WEE1: variants seen among roughly 807,000 people sequenced by gnomAD.
WEE1 encodes the protein wee1-like protein kinase.
WEE1 carries 16 observed loss-of-function variants against 68.8 expected under a neutral mutation model. The observed-to-expected ratio is 0.23, with a 90% CI of 0.16 to 0.35. The LOEUF (loss-of-function observed/expected upper bound fraction) is 0.35, where lower values mean the gene tolerates loss of function less well. Ranked by LOEUF, WEE1 falls within the 10% of genes least tolerant of loss-of-function variation. The pLI, the probability that WEE1 is intolerant of heterozygous loss-of-function variation, is 1.00. For missense variants in WEE1, 651 were observed against 824.1 expected (o/e 0.79, Z 2.57); for synonymous variants, 349 against 318.7 (o/e 1.09, Z -1.01).
At position 9,577,181 on chromosome 11, in the gene WEE1, T is replaced by C. The variant is rs1360860132; in HGVS notation, c.1059T>C (p.Leu353=). The change falls in exon 5 of 11, where the codon CTT becomes CTC. Residue 353 remains leucine (L), a synonymous_variant. Transcript: ENST00000450114. The stretch of plus-strand genomic sequence containing the variant: ...GAGAAGTATATGCTCATGCAGTGCT[T>C]GGACAGCATTCTCATGTAGTTCGAT... The part of the protein sequence containing the change: ...ALREVYAHAV[L]GQHSHVVRYF... The C allele has an allele frequency of 3.1e-6, 5 of 1,613,910 alleles. No individual in the cohort carries two copies. The highest frequency in any genetic ancestry group is 4.2e-6 in the Non-Finnish European group (5 of 1,179,802).
chr11:9,588,367 C>A, intron 10 of WEE1, 82 bp from the exon 11 acceptor site: 1 of 937,716 alleles, frequency 1.1e-6, no homozygotes, highest in Non-Finnish European at 1.5e-6. Flanking sequence ...ATGCAAATAT[C>A]TCCCAATCGA....
chr11:9,587,816 T>A (rs1849718278), intron 10 of WEE1, among the ~76,000 whole-genome samples: 1 of 152,146 alleles, frequency 6.6e-6, no homozygotes, highest in African/African-American at 2.4e-5. Flanking sequence ...CATTTAATAT[T>A]TAAATTATAA....
rs1322505427 is a variant in WEE1 at position 9,587,261 on chromosome 11, C to T, written c.1787+405C>T. Among the ~76,000 whole-genome samples, 4 of 152,138 alleles carry T rather than the reference C, an allele frequency of 2.6e-5. No individual in the cohort carries two copies. In the East Asian group the frequency reaches 7.7e-4, roughly 29 times the overall value. On this transcript the variant is annotated intron_variant, in intron 10 of 10. Transcript: ENST00000450114. Reference sequence around the variant, plus strand: ...TAGGAGTGAGCCACCTCACCCGGCTCCAGTAGTTCGATATGTTGTTATACG... The same window carrying T: ...TAGGAGTGAGCCACCTCACCCGGCTTCAGTAGTTCGATATGTTGTTATACG...
rs925965720 is a variant in WEE1, at chr11:9,589,857, G to A, written c.*1255G>A. 5.1e-6 allele frequency: 2 copies of A among 394,750 alleles called. No individual in the cohort carries two copies. The highest frequency in any genetic ancestry group is 4.4e-5 in the African/African-American group (2 of 45,796). 24.5% of individuals were successfully genotyped at this position (394,750 alleles called of 1,614,324 possible). A position where few individuals can be genotyped will look rare whatever the true frequency, so the allele number is the denominator to read the frequency against. On this transcript the variant is annotated 3_prime_UTR_variant, in exon 11 of 11. Coordinates refer to ENST00000450114, the MANE Select transcript of WEE1 (RefSeq NM_003390.4). ...TGTATAATGTACTATTATAAAAGCA[G>A]AGGGCACATTTTGATTGAATATGAA...
At chr11:9,583,821 A>AC (rs1849668815) in intron 6 of WEE1, among the ~76,000 whole-genome samples, 1 of 32,988 alleles carries the variant, frequency 3.0e-5, no homozygotes, top group Non-Finnish European at 7.6e-5. Flanking sequence ...ATATATATAT[A>AC]TATATATATA....
chr11:9,573,971 G>T lies in WEE1; in HGVS notation c.38G>T (p.Arg13Leu). ...AGCCGACAGCAGCCGCCGCCACCCC[G>T]CCGCGCCGGGGCGGCCTGCACCTTG... is the stretch of plus-strand genomic sequence containing the variant. ...FLSRQQPPPP[R>L]RAGAACTLRQ... The change falls in exon 1 of 11, where the codon CGC becomes CTC. Residue 13 changes from arginine to leucine, a missense_variant. By Grantham distance (102) the Arg-to-Leu change is moderately radical (BLOSUM62 -2). This residue lies in a region of WEE1 where 395 missense variants were observed against 378.4 expected (regional missense o/e 1.04). Coordinates refer to ENST00000450114, the MANE Select transcript of WEE1 (RefSeq NM_003390.4). 1 of 1,294,100 alleles carries T rather than the reference G, an allele frequency of 7.7e-7. No homozygotes were observed. The highest frequency in any genetic ancestry group is 1.5e-5 in the African/African-American group (1 of 64,594). The allele number at this position is 1,294,100 out of a possible 1,614,324, so 80.2% of individuals were successfully genotyped here.
At chr11:9,579,726 G>C (rs1849604398) in intron 5 of WEE1, 1 of 152,078 alleles carries the variant, frequency 6.6e-6, no homozygotes. Flanking sequence ...AGCGTTATTG[G>C]TTTGCTCCCT....
chr11:9,574,640 T>G lies in WEE1; in HGVS notation c.576+131T>G. ...GCTTTCCTGCGCCGCCCCCCAAAGT[T>G]GGCAGCCCTTGTGTTTGGCCCTGCC... On this transcript the variant is annotated intron_variant, in intron 1 of 10. Transcript: ENST00000450114. The surrounding 1 kb of genome is among the most constrained non-coding windows in gnomAD (Gnocchi z 4.9). 2 of 1,110,140 alleles carry G rather than the reference T, an allele frequency of 1.8e-6. No individual in the cohort carries two copies. Among genetic ancestry groups the G allele is most frequent in the Non-Finnish European group, 1.1e-6 (1 of 911,542 alleles). The allele number at this position is 1,110,140 out of a possible 1,614,324, so 68.8% of individuals were successfully genotyped here.
At position 9,574,336 on chromosome 11, in the gene WEE1, G is replaced by A; in HGVS notation, c.403G>A (p.Gly135Ser). ...VKSPAAPYFL[G>S]SSFSPVRCGG... ...GTCGCCGGCGGCCCCCTACTTCCTG[G>A]GTAGCTCTTTCTCGCCGGTGCGCTG... Residue 135 changes from glycine (G) to serine (S), a missense_variant, in exon 1 of 11, where the codon GGT (glycine) becomes AGT (serine). Coordinates refer to ENST00000450114, the MANE Select transcript of WEE1 (RefSeq NM_003390.4). The surrounding 1 kb of genome is among the most constrained non-coding windows in gnomAD (Gnocchi z 4.9). 7.9e-7 allele frequency: 1 copy of A among 1,271,878 alleles called. No individual in the cohort carries two copies. 78.8% of individuals were successfully genotyped at this position (1,271,878 alleles called of 1,614,324 possible). A position where few individuals can be genotyped will look rare whatever the true frequency, so the allele number is the denominator to read the frequency against.
At chr11:9,583,832 T>C (rs190177441) in intron 6 of WEE1, among the ~76,000 whole-genome samples, 11 of 51,972 alleles carry the variant, frequency 2.1e-4, no homozygotes, top group African/African-American at 4.2e-4. Context: ...TATATATATA[T>C]ATATATATAT....
In WEE1 at chr11:9,588,620, T is replaced by C; in HGVS notation, c.*18T>C. The C allele has an allele frequency of 2.0e-6, 3 of 1,533,878 alleles. No individual in the cohort carries two copies. The highest frequency in any genetic ancestry group is 2.2e-5 in the Admixed American group (1 of 45,086). On this transcript the variant is annotated 3_prime_UTR_variant, in exon 11 of 11. Coordinates refer to ENST00000450114, the MANE Select transcript of WEE1 (RefSeq NM_003390.4). ...TATACTGAGCTACTCCTTTCCCACC[T>C]CCCCCTGAACACTGTGACAAGAGGA...
At position 9,586,420 on chromosome 11, in the gene WEE1, TC is replaced by T. The variant is rs773263567; in HGVS notation, c.1471-27del. Reference sequence around the variant, plus strand: ...TGTTTTATTTTGACCATGTTTACATTCCTTTAAAAAATTGTTTTAATTTTAC... The same window carrying T: ...TGTTTTATTTTGACCATGTTTACATTCTTTAAAAAATTGTTTTAATTTTAC... On this transcript the variant is annotated intron_variant, in intron 8 of 10. Transcript: ENST00000450114. 18 of 1,589,946 alleles carry T rather than the reference TC, an allele frequency of 1.1e-5. No homozygotes were observed. The South Asian group carries it at 2.0e-4, about 18-fold the overall frequency.
At chr11:9,587,937 A>G (rs1392356218) in intron 10 of WEE1, among the ~76,000 whole-genome samples, 1 of 151,852 alleles carries the variant, frequency 6.6e-6, no homozygotes, top group African/African-American at 2.4e-5. Context: ...TAGATTCGCA[A>G]TATAAATTGG....
Position 9,574,769 on chromosome 11 carries a change from G to T in WEE1, c.576+260G>T, listed in dbSNP as rs1452186017. ...CCGTCCGGGTGGCCAAGGATTTGCC[G>T]CCCGTTGAGTCCGGGCCGCCCCGAG... On this transcript the variant is annotated intron_variant, in intron 1 of 10. Coordinates refer to ENST00000450114, the MANE Select transcript of WEE1 (RefSeq NM_003390.4). The surrounding 1 kb of genome is among the most constrained non-coding windows in gnomAD (Gnocchi z 4.9). 2 of 1,017,758 alleles carry T rather than the reference G, an allele frequency of 2.0e-6. No homozygotes were observed. The highest frequency in any genetic ancestry group is 1.2e-6 in the Non-Finnish European group (1 of 851,522). 63.0% of individuals were successfully genotyped at this position (1,017,758 alleles called of 1,614,324 possible). A position where few individuals can be genotyped will look rare whatever the true frequency, so the allele number is the denominator to read the frequency against.
Position 9,585,269 on chromosome 11 carries a change from A to C in WEE1, c.1300A>C (p.Ile434Leu). 1 of 1,613,174 alleles carries C rather than the reference A, an allele frequency of 6.2e-7. No homozygotes were observed. The change falls in exon 7 of 11, where the codon ATA (isoleucine) becomes CTA (leucine). Residue 434 changes from isoleucine (I) to leucine (L), a missense_variant. Coordinates refer to ENST00000450114, the MANE Select transcript of WEE1 (RefSeq NM_003390.4). ...HMDIKPSNIF[I>L]SRTSIPNAAS... Reference sequence around the variant, plus strand: ...TAACTGTTTGACAGGTAATATTTTCATATCTCGAACCTCAATCCCAAATGC... The same window carrying C: ...TAACTGTTTGACAGGTAATATTTTCCTATCTCGAACCTCAATCCCAAATGC...
rs1054322059 is a variant in WEE1 at position 9,586,388 on chromosome 11, G to A, written c.1471-61G>A. 1.2e-5 allele frequency: 18 copies of A among 1,480,152 alleles called. No individual in the cohort carries two copies. In the African/African-American group the frequency reaches 1.8e-4, roughly 15 times the overall value. 91.7% of individuals were successfully genotyped at this position (1,480,152 alleles called of 1,614,324 possible). ...TTTTCACCTAAGTCATCTTTGAGGT[G>A]TAATCTTGTTTTATTTTGACCATGT... is the stretch of plus-strand genomic sequence containing the variant. On this transcript the variant is annotated intron_variant, in intron 8 of 10. Coordinates refer to ENST00000450114, the MANE Select transcript of WEE1 (RefSeq NM_003390.4).
intron 5 of WEE1, chr11:9,577,781 T>C: frequency 2.3e-6 from 1 of 440,866 alleles, no homozygotes; most frequent in Non-Finnish European, 4.5e-6. Context: ...CGCTTTATTA[T>C]GTTACATTCT....
rs1849559855 is a variant in WEE1 at position 9,575,882 on chromosome 11, C to T, written c.577-6C>T. 8 of 1,613,524 alleles carry T rather than the reference C, an allele frequency of 5.0e-6. No individual in the cohort carries two copies. The highest frequency in any genetic ancestry group is 6.8e-6 in the Non-Finnish European group (8 of 1,179,630). ...AAAAATTGTATTTGTATTTTTCTTTCCCTAGAGTTTGCTCTCCAAAGCTCG... is the reference window on the plus strand; with the variant it reads ...AAAAATTGTATTTGTATTTTTCTTTTCCTAGAGTTTGCTCTCCAAAGCTCG... On this transcript the variant is annotated splice_region_variant and splice_polypyrimidine_tract_variant and intron_variant, in intron 1 of 10. Transcript: ENST00000450114.
At chr11:9,587,239 G>A (rs1243867412) in intron 10 of WEE1, among the ~76,000 whole-genome samples, 2 of 152,206 alleles carry the variant, frequency 1.3e-5, no homozygotes. Flanking sequence ...GGGATTATAG[G>A]AGTGAGCCAC....
Sources: allele counts gnomAD v4.1 joint callset (sites outside exome capture counted in the v4.1 genomes callset), GRCh38; gene constraint gnomAD v4.1.1; regional missense constraint gnomAD v4.1.1; non-coding constraint Gnocchi (gnomAD v3.1); transcripts MANE v1.5; gene names NCBI Gene and HGNC (gene_info 2026-07-23, HGNC 2026-07-21).